Variants in NPIPB2 observed in about 807,000 individuals in gnomAD.
The protein encoded by NPIPB2 is nuclear pore complex-interacting protein family member B2.
NPIPB2 carries 27 observed loss-of-function variants against 30.8 expected under a neutral mutation model. The observed-to-expected ratio is 0.88, with a 90% CI of 0.65 to 1.21. The LOEUF is 1.21. NPIPB2 is among the 50% of genes most tolerant of loss of function. The pLI is 0.00. For missense variants in NPIPB2, 440 were observed against 446.2 expected, an observed-to-expected ratio of 0.99 and a Z score of 0.13; for synonymous variants, 147 against 162.0, an observed-to-expected ratio of 0.91 and a Z score of 0.70.
intron 1 of NPIPB2, among the ~76,000 whole-genome samples, chr16:11,959,278 T>A (rs426424): frequency 6.6e-6 from 1 of 152,092 alleles, no homozygotes; most frequent in Non-Finnish European, 1.5e-5. Context: ...AAAAAAAATC[T>A]TTGTTTCAAA....
chr16:11,968,233 T>C (rs965010091), intron 1 of NPIPB2, among the ~76,000 whole-genome samples: 1 of 152,072 alleles, frequency 6.6e-6, no homozygotes, highest in East Asian at 1.9e-4. Flanking sequence ...TCCCAGCACT[T>C]TGAAAGGCCG....
chr16:11,961,609 G>A lies in NPIPB2; in HGVS notation c.-584+14959C>T, dbSNP rs536751082. On this transcript the variant is annotated intron_variant, in intron 1 of 5. Coordinates refer to the NPIPB2 transcript ENST00000538896. Reference sequence around the variant, plus strand: ...AGCCTGGCCAACATACTGAAACCCCGTCTCTACTAAAAATACAAAAATTAG... The same window carrying A: ...AGCCTGGCCAACATACTGAAACCCCATCTCTACTAAAAATACAAAAATTAG... 2.1e-4 allele frequency among the ~76,000 whole-genome samples: 31 copies of A among 150,410 alleles called. 1 individual carries two copies. The South Asian group carries it at 5.5e-3, about 27-fold the overall frequency.
chr16:11,969,773 TGTGAGTGGTGCTATAATAATCATATCTA>T, intron 1 of NPIPB2, among the ~76,000 whole-genome samples: 1 of 152,158 alleles, frequency 6.6e-6, no homozygotes, highest in East Asian at 1.9e-4. Context: ...CAGCCCAAAA[TGTGAGTGGTGCTATAATAATCATATCTA>T]ACCCTTATAT....
intron 1 of NPIPB2, among the ~76,000 whole-genome samples, chr16:11,964,379 C>A (rs10451099): frequency 0.12 from 17,665 of 151,896 alleles, 1,490 homozygotes; most frequent in African/African-American, 0.21. Flanking sequence ...TGGCATTGTG[C>A]GTCTTCCTTA....
intron 1 of NPIPB2, among the ~76,000 whole-genome samples, chr16:11,959,849 C>A (rs1254154695): frequency 6.6e-6 from 1 of 152,170 alleles, no homozygotes; most frequent in Non-Finnish European, 1.5e-5. Flanking sequence ...AACCATGGTT[C>A]ACTGTAGCCT....
chr16:11,949,310 TATC>T (rs1237670815), intron 1 of NPIPB2, among the ~76,000 whole-genome samples: 3 of 152,080 alleles, frequency 2.0e-5, no homozygotes, highest in African/African-American at 7.2e-5. Flanking sequence ...GCAAAATAGG[TATC>T]ATCATCTCCA....
intron 1 of NPIPB2, among the ~76,000 whole-genome samples, chr16:11,964,262 A>C (rs1567478376): frequency 1.3e-5 from 2 of 152,150 alleles, no homozygotes; most frequent in East Asian, 3.9e-4. Flanking sequence ...CTAAATTTTC[A>C]ACAATGGAAC....
intron 1 of NPIPB2, among the ~76,000 whole-genome samples, chr16:11,970,815 T>A (rs1395718431): frequency 1.3e-5 from 2 of 151,364 alleles, no homozygotes; most frequent in Non-Finnish European, 2.9e-5. Context: ...ATTACAGGCA[T>A]GAGCCACCGC....
At chr16:11,966,638 C>T (rs2055196547) in intron 1 of NPIPB2, among the ~76,000 whole-genome samples, 2 of 152,150 alleles carry the variant, frequency 1.3e-5, no homozygotes, top group African/African-American at 2.4e-5. Context: ...AAAGTTAGCA[C>T]ATCGATTAAA....
chr16:11,959,311 G>A (rs2055137244), intron 1 of NPIPB2, among the ~76,000 whole-genome samples: 1 of 152,154 alleles, frequency 6.6e-6, no homozygotes, highest in Admixed American at 6.6e-5. Context: ...GCCAGGCACA[G>A]TGGCTCACAC....
At chr16:11,952,432 T>C (rs988573983) in intron 1 of NPIPB2, among the ~76,000 whole-genome samples, 12 of 152,058 alleles carry the variant, frequency 7.9e-5, no homozygotes, top group African/African-American at 2.9e-4. Context: ...TGATCTTGAA[T>C]CTATATGAAA....
intron 1 of NPIPB2, chr16:11,967,833 A>C: frequency 5.0e-6 from 8 of 1,613,864 alleles, no homozygotes; most frequent in Non-Finnish European, 6.8e-6. Context: ...AGAGAAATCA[A>C]TTTCTGCTAG....
chr16:11,968,303 C>G (rs957388053), intron 1 of NPIPB2, among the ~76,000 whole-genome samples: 4 of 152,072 alleles, frequency 2.6e-5, no homozygotes, highest in Non-Finnish European at 4.4e-5. Flanking sequence ...ATGGTGAAAC[C>G]CTGTCTTTAC....
upstream of NPIPB2, chr16:11,942,254 A>G (rs1326075295): frequency 8.3e-6 from 5 of 599,800 alleles, no homozygotes; most frequent in African/African-American, 1.9e-5. Flanking sequence ...TTCTGATCAT[A>G]TAACTGTGCT....
chr16:11,947,470 G>A (rs992823315), intron 1 of NPIPB2, among the ~76,000 whole-genome samples: 1 of 151,262 alleles, frequency 6.6e-6, no homozygotes, highest in Non-Finnish European at 1.5e-5. Context: ...TCAGCCTCCC[G>A]AGTAGCTAGG....
upstream of NPIPB2, among the ~76,000 whole-genome samples, chr16:11,946,739 A>T (rs980080561): frequency 8.5e-5 from 13 of 152,154 alleles, no homozygotes; most frequent in Non-Finnish European, 1.8e-4. Flanking sequence ...TGGAAAGTTT[A>T]ATAAAAATGT....
intron 1 of NPIPB2, among the ~76,000 whole-genome samples, chr16:11,975,800 A>G (rs974025607): frequency 3.3e-5 from 5 of 151,970 alleles, no homozygotes; most frequent in African/African-American, 1.2e-4. Flanking sequence ...TATGTTGGCC[A>G]GGCTGGAATC....
intron 1 of NPIPB2, among the ~76,000 whole-genome samples, chr16:11,947,324 A>ATTTATT (rs1277451001): frequency 1.5e-4 from 19 of 125,752 alleles, no homozygotes; most frequent in East Asian, 9.1e-4. Context: ...TTATTTATTT[A>ATTTATT]TATATATATA....
intron 1 of NPIPB2, among the ~76,000 whole-genome samples, chr16:11,961,443 T>C (rs1014764323): frequency 6.6e-6 from 1 of 152,196 alleles, no homozygotes; most frequent in Non-Finnish European, 1.5e-5. Flanking sequence ...AATTTCTGCA[T>C]TTTATTTTCA....
Sources: allele counts gnomAD v4.1 joint callset (sites outside exome capture counted in the v4.1 genomes callset), GRCh38; gene constraint gnomAD v4.1.1; transcripts MANE v1.5; gene names NCBI Gene and HGNC (gene_info 2026-07-23, HGNC 2026-07-21).